EPHA3: variants seen among roughly 807,000 people sequenced by gnomAD.
EPHA3 encodes EPH receptor A3.
A neutral mutation model predicts 107.1 loss-of-function variants in EPHA3; 42 were observed. The observed-to-expected ratio is 0.39, with a 90% CI of 0.31 to 0.51. EPHA3 has a LOEUF of 0.51. Among genes scored for constraint, EPHA3 ranks in the 20% least tolerant of loss-of-function variants. EPHA3 has a pLI of 0.78. For synonymous variants in EPHA3, 461 were observed against 424.8 expected (o/e 1.09, Z -1.05); for missense variants, 1,183 against 1,211.2 (o/e 0.98, Z 0.35).
chr3:89,194,439 C>T (rs1705789013), intron 2 of EPHA3, among the ~76,000 whole-genome samples: 2 of 151,956 alleles, frequency 1.3e-5, no homozygotes, highest in Admixed American at 6.6e-5. Flanking sequence ...GTAAGAAGAT[C>T]TGGTCTAGGT....
At chr3:89,458,960 T>A (rs569482524) in intron 15 of EPHA3, among the ~76,000 whole-genome samples, 1 of 152,170 alleles carries the variant, frequency 6.6e-6, no homozygotes, top group South Asian at 2.1e-4. Context: ...TTCTCACTCA[T>A]AAGTGGGAGT....
intron 3 of EPHA3, among the ~76,000 whole-genome samples, chr3:89,238,667 T>C (rs1576255970): frequency 6.6e-6 from 1 of 152,354 alleles, no homozygotes; most frequent in East Asian, 1.9e-4. Flanking sequence ...CGGGAAACAC[T>C]GTTGCCCAGG....
At chr3:89,225,209 T>C (rs1427430678) in intron 3 of EPHA3, among the ~76,000 whole-genome samples, 2 of 152,168 alleles carry the variant, frequency 1.3e-5, no homozygotes, top group Non-Finnish European at 2.9e-5. Flanking sequence ...GATTATGTGC[T>C]ACTGCTTCGA....
chr3:89,254,970 T>C (rs1705247562), intron 3 of EPHA3, among the ~76,000 whole-genome samples: 1 of 152,220 alleles, frequency 6.6e-6, no homozygotes, highest in Non-Finnish European at 1.5e-5. Context: ...AGACTTCTGT[T>C]ATAATATTGT....
At chr3:89,352,762 G>T (rs1390918450) in intron 5 of EPHA3, among the ~76,000 whole-genome samples, 1 of 150,364 alleles carries the variant, frequency 6.7e-6, no homozygotes, top group Non-Finnish European at 1.5e-5. Context: ...AATTAGCCAG[G>T]CATGATGGCA....
chr3:89,160,186 A>T (rs1323605002), intron 2 of EPHA3, among the ~76,000 whole-genome samples: 1 of 152,082 alleles, frequency 6.6e-6, no homozygotes, highest in Non-Finnish European at 1.5e-5. Flanking sequence ...ATATATTAGA[A>T]ATCAATAATG....
At chr3:89,114,766 C>G (rs879707985) in intron 1 of EPHA3, among the ~76,000 whole-genome samples, 8 of 152,220 alleles carry the variant, frequency 5.3e-5, no homozygotes, top group Non-Finnish European at 7.3e-5. Flanking sequence ...GAGAGGCAAA[C>G]GTGCGCCCTC....
At chr3:89,241,409 AT>A (rs1704892924) in intron 3 of EPHA3, among the ~76,000 whole-genome samples, 2 of 152,192 alleles carry the variant, frequency 1.3e-5, no homozygotes, top group South Asian at 4.1e-4. Context: ...AGTGGTGGTG[AT>A]GATTTTCTTA....
intron 16 of EPHA3, among the ~76,000 whole-genome samples, chr3:89,478,079 G>A (rs570616628): frequency 6.6e-6 from 1 of 152,156 alleles, no homozygotes; most frequent in South Asian, 2.1e-4. Flanking sequence ...CTGAAAGACA[G>A]GAATATATGA....
At chr3:89,467,364 A>T (rs1413512422) in intron 15 of EPHA3, among the ~76,000 whole-genome samples, 1 of 152,220 alleles carries the variant, frequency 6.6e-6, no homozygotes, top group Non-Finnish European at 1.5e-5. Context: ...AAAAATAATT[A>T]TAATGTTACA....
At chr3:89,219,693 T>TTTG (rs1704312911) in intron 3 of EPHA3, among the ~76,000 whole-genome samples, 2 of 11,828 alleles carry the variant, frequency 1.7e-4, no homozygotes, top group Admixed American at 1.3e-3. Context: ...GCAATGTTTT[T>TTTG]TTTTTTTTTG....
chr3:89,382,662 G>A (rs1201670239), intron 5 of EPHA3, among the ~76,000 whole-genome samples: 2 of 152,092 alleles, frequency 1.3e-5, no homozygotes, highest in Non-Finnish European at 2.9e-5. Flanking sequence ...AAACAGAGTC[G>A]GGGTTGGTTT....
chr3:89,132,570 T>G (rs549920421), intron 2 of EPHA3, among the ~76,000 whole-genome samples: 5 of 152,144 alleles, frequency 3.3e-5, no homozygotes, highest in Non-Finnish European at 5.9e-5. Context: ...TATAATCAGA[T>G]GTAAGCCAAT....
intron 3 of EPHA3, among the ~76,000 whole-genome samples, chr3:89,219,796 C>A (rs1429016547): frequency 7.2e-6 from 1 of 138,096 alleles, no homozygotes; most frequent in African/African-American, 2.6e-5. Context: ...GCAAGCTCCA[C>A]CTCCCGGGTT....
At chr3:89,294,645 G>C (rs1465363207) in intron 3 of EPHA3, among the ~76,000 whole-genome samples, 1 of 140,816 alleles carries the variant, frequency 7.1e-6, no homozygotes, top group Non-Finnish European at 1.5e-5. Context: ...TTCATATCAG[G>C]CATTTTAGTT....
intron 4 of EPHA3, among the ~76,000 whole-genome samples, chr3:89,341,292 C>T (rs111869908): frequency 2.3e-4 from 35 of 152,236 alleles, no homozygotes; most frequent in African/African-American, 8.2e-4. Flanking sequence ...GCAACACAAC[C>T]CCCTGAAAGA....
chr3:89,443,560 T>A (rs1178114670), intron 13 of EPHA3, among the ~76,000 whole-genome samples: 2 of 152,206 alleles, frequency 1.3e-5, no homozygotes, highest in African/African-American at 4.8e-5. Context: ...GAAAATGAAC[T>A]GCACCTTTAA....
At chr3:89,195,177 T>C (rs572561733) in intron 2 of EPHA3, among the ~76,000 whole-genome samples, 2 of 152,232 alleles carry the variant, frequency 1.3e-5, no homozygotes, top group South Asian at 4.1e-4. Flanking sequence ...TGTTTCATGT[T>C]GACATTATTA....
intron 4 of EPHA3, 85 bp downstream of exon 4, chr3:89,341,156 T>C: frequency 7.1e-7 from 1 of 1,406,088 alleles, no homozygotes. Flanking sequence ...TTTTAAAGCA[T>C]TTGGCCCATT....
Sources: allele counts gnomAD v4.1 joint callset (sites outside exome capture counted in the v4.1 genomes callset), GRCh38; gene constraint gnomAD v4.1.1; transcripts MANE v1.5; gene names NCBI Gene and HGNC (gene_info 2026-07-23, HGNC 2026-07-21).